The following KITLG variants were observed in gnomAD, a reference collection of about 807,000 sequenced individuals.
The protein encoded by KITLG is KIT ligand, also known as c-Kit ligand.
A neutral mutation model predicts 34.1 loss-of-function variants in KITLG; 13 were observed. That is an observed-to-expected ratio of 0.38 (90% CI 0.25 to 0.61). The LOEUF is 0.61. Ranked by LOEUF, KITLG falls within the 20% of genes least tolerant of loss-of-function variation. KITLG has a pLI of 0.60. For synonymous variants in KITLG, 110 were observed against 104.0 expected (o/e 1.06, Z -0.35); for missense variants, 292 against 318.9 (o/e 0.92, Z 0.64).
chr12:88,557,398 A>G (rs1871129362), intron 1 of KITLG, among the ~76,000 whole-genome samples: 1 of 152,216 alleles, frequency 6.6e-6, no homozygotes, highest in South Asian at 2.1e-4. Context: ...AATGGTTTAA[A>G]AAGTAGATCA....
Position 88,508,551 on chromosome 12 carries a change from G to A in KITLG, c.605-1414C>T, listed in dbSNP as rs545033283. ...CTAATGATGGGATGTATGGATGTGT[G>A]CTCACGTGTGTGTGTGTGTGTGTGT... On this transcript the variant is annotated intron_variant, in intron 6 of 9. Coordinates refer to ENST00000644744, the MANE Select transcript of KITLG (RefSeq NM_000899.5). 1.1e-4 allele frequency among the ~76,000 whole-genome samples: 16 copies of A among 148,300 alleles called. No individual in the cohort carries two copies. In the East Asian group the frequency reaches 2.9e-3, roughly 26 times the overall value.
rs529502672 is a variant in KITLG, at chr12:88,505,166, C to T, written c.*30G>A. On this transcript the variant is annotated 3_prime_UTR_variant, in exon 9 of 10. Coordinates refer to ENST00000644744, the MANE Select transcript of KITLG (RefSeq NM_000899.5). ...AAGAAGAAAAAAACTTACCAATGTA[C>T]GAAAGTAACAGTGTTGATACAAGCC... 190 of 1,550,508 alleles carry T rather than the reference C, an allele frequency of 1.2e-4. No individual in the cohort carries two copies. Among genetic ancestry groups the T allele is most frequent in the Non-Finnish European group, 1.5e-4 (170 of 1,124,354 alleles).
At chr12:88,565,219 T>G (rs542789674) in intron 1 of KITLG, among the ~76,000 whole-genome samples, 3 of 152,194 alleles carry the variant, frequency 2.0e-5, no homozygotes, top group Non-Finnish European at 1.5e-5. Flanking sequence ...AGCTACCTAT[T>G]AACTAGCACA....
intron 2 of KITLG, among the ~76,000 whole-genome samples, chr12:88,533,282 C>A (rs1870172057): frequency 6.6e-6 from 1 of 152,124 alleles, no homozygotes; most frequent in Admixed American, 6.6e-5. Context: ...ACAAAGGAAT[C>A]TGGGACAAAT....
rs1281473530 is a variant in KITLG, at chr12:88,528,162, G to T, written c.192+4279C>A. On this transcript the variant is annotated intron_variant, in intron 3 of 9. Transcript: ENST00000644744. ...AAAATCATTTTCTTTGCCTTTTCCA[G>T]CTTTCAGAGGCCATGTGCGTTCCTT... Among the ~76,000 whole-genome samples the T allele has an allele frequency of 2.6e-5, 4 of 152,152 alleles. No individual in the cohort carries two copies. The South Asian group carries it at 8.3e-4, about 31-fold the overall frequency.
chr12:88,524,771 T>C (rs1869804120), intron 3 of KITLG, among the ~76,000 whole-genome samples: 1 of 152,214 alleles, frequency 6.6e-6, no homozygotes, highest in South Asian at 2.1e-4. Context: ...AAATAGCATT[T>C]AATGTCATAT....
intron 1 of KITLG, among the ~76,000 whole-genome samples, chr12:88,578,085 A>C (rs566096110): frequency 6.6e-6 from 1 of 152,294 alleles, no homozygotes; most frequent in South Asian, 2.1e-4. Flanking sequence ...TACATAGGCT[A>C]CCTTCCATCC....
At chr12:88,554,630 T>C (rs1224172434) in intron 1 of KITLG, among the ~76,000 whole-genome samples, 1 of 152,220 alleles carries the variant, frequency 6.6e-6, no homozygotes. Context: ...AGTTCAGGTC[T>C]TCTTAACTCA....
chr12:88,510,505 G>A (rs746267947), intron 6 of KITLG, among the ~76,000 whole-genome samples: 17 of 152,148 alleles, frequency 1.1e-4, no homozygotes, highest in Non-Finnish European at 2.2e-4. Flanking sequence ...TGGTATATGA[G>A]TCCAGGAAGG....
At chr12:88,499,797 A>C (rs1868782075) in intron 9 of KITLG, among the ~76,000 whole-genome samples, 2 of 152,166 alleles carry the variant, frequency 1.3e-5, no homozygotes, top group Non-Finnish European at 1.5e-5. Flanking sequence ...CAATGTCTTC[A>C]AATGGTCTAT....
chr12:88,575,916 T>C (rs901620699), intron 1 of KITLG, among the ~76,000 whole-genome samples: 1 of 151,132 alleles, frequency 6.6e-6, no homozygotes, highest in African/African-American at 2.4e-5. Flanking sequence ...ACTAGCATAA[T>C]GAAAAAAAAA....
intron 1 of KITLG, among the ~76,000 whole-genome samples, chr12:88,560,998 GAA>G (rs1385000586): frequency 1.6e-3 from 202 of 129,992 alleles, no homozygotes; most frequent in African/African-American, 5.7e-3. Flanking sequence ...AAAAAAGAAA[GAA>G]AGAAAGAAAA....
intron 1 of KITLG, among the ~76,000 whole-genome samples, chr12:88,577,597 T>C (rs1247062537): frequency 6.6e-6 from 1 of 151,580 alleles, no homozygotes; most frequent in Admixed American, 6.6e-5. Context: ...CAAACACCTC[T>C]AGAAAACTGT....
chr12:88,550,170 G>A (rs1870847566), intron 1 of KITLG, among the ~76,000 whole-genome samples: 1 of 152,222 alleles, frequency 6.6e-6, no homozygotes, highest in Non-Finnish European at 1.5e-5. Flanking sequence ...TTCCTTCAAA[G>A]GAGAGCAACT....
intron 1 of KITLG, among the ~76,000 whole-genome samples, chr12:88,565,762 A>G (rs998946077): frequency 3.3e-5 from 5 of 152,176 alleles, no homozygotes; most frequent in Admixed American, 3.3e-4. Flanking sequence ...AATTTGCTCA[A>G]CCTCTGTGAG....
intron 2 of KITLG, among the ~76,000 whole-genome samples, chr12:88,541,197 T>G (rs1297222161): frequency 6.6e-6 from 1 of 152,274 alleles, no homozygotes; most frequent in African/African-American, 2.4e-5. Flanking sequence ...TCTCCATGAA[T>G]CATGTATAAA....
intron 2 of KITLG, among the ~76,000 whole-genome samples, chr12:88,544,017 G>T (rs2662060): frequency 1.3e-5 from 2 of 152,086 alleles, no homozygotes; most frequent in Admixed American, 6.6e-5. Context: ...AGGCATGGGC[G>T]TAAGTAGTCA....
At chr12:88,552,570 T>G (rs148143693) in intron 1 of KITLG, among the ~76,000 whole-genome samples, 1 of 152,188 alleles carries the variant, frequency 6.6e-6, no homozygotes, top group East Asian at 1.9e-4. Context: ...TTGGAATGAA[T>G]GAATGAATGA....
intron 1 of KITLG, among the ~76,000 whole-genome samples, chr12:88,572,761 C>G (rs1042842285): frequency 4.0e-5 from 6 of 151,570 alleles, no homozygotes; most frequent in African/African-American, 1.5e-4. Flanking sequence ...TTGCCTAATC[C>G]CTTTATTATC....
Sources: gnomAD v4.1 joint callset for allele counts (sites outside exome capture counted in the v4.1 genomes callset) on GRCh38, gnomAD v4.1.1 for gene constraint, MANE v1.5 for transcripts, NCBI Gene and HGNC (gene_info 2026-07-23, HGNC 2026-07-21) for gene names.